PKD1L1: variants seen among roughly 807,000 people sequenced by gnomAD.
PKD1L1 encodes the protein polycystin-1-like protein 1.
A neutral mutation model predicts 323.4 loss-of-function variants in PKD1L1; 236 were observed. The ratio of observed to expected loss-of-function variants is 0.73; its 90% CI spans 0.66 to 0.81. PKD1L1 has a LOEUF of 0.81. Among genes scored for constraint, PKD1L1 ranks in the 40% least tolerant of loss-of-function variants. The probability of loss-of-function intolerance (pLI) is 0.00; values close to 1 mark genes in which losing one functional copy is unlikely to be tolerated. For synonymous variants in PKD1L1, 1,344 were observed against 1,335.0 expected (o/e 1.01, Z -0.15); for missense variants, 3,320 against 3,508.0 (o/e 0.95, Z 1.35).
chr7:47,880,796 T>G lies in PKD1L1; in HGVS notation c.3452A>C (p.Glu1151Ala). The G allele has an allele frequency of 6.2e-7, 1 of 1,604,300 alleles. No individual in the cohort carries two copies. Among genetic ancestry groups the G allele is most frequent in the Non-Finnish European group, 8.5e-7 (1 of 1,174,168 alleles). Residue 1151 changes from glutamate (E) to alanine (A), a missense_variant, in exon 21 of 57, where the codon GAA (glutamate) becomes GCA (alanine). By Grantham distance (107) the Glu-to-Ala change is moderately radical (BLOSUM62 -1). Transcript: ENST00000289672. ...GTATGGCTTGATTGTCACTGTCTGT[T>G]CTGTAATACCTGCAGAAAAGACATG... Reference protein sequence around the residue: ...FQGYSSSGITEQTVTIKPYSL... With the variant: ...FQGYSSSGITAQTVTIKPYSL...
At chr7:47,944,543 C>T (rs1249775417) in intron 1 of PKD1L1, among the ~76,000 whole-genome samples, 2 of 152,336 alleles carry the variant, frequency 1.3e-5, no homozygotes, top group African/African-American at 2.4e-5. Flanking sequence ...GCAGAGCCAA[C>T]GTTTAAACCT....
chr7:47,951,490 T>A (rs925220348), upstream of PKD1L1, among the ~76,000 whole-genome samples: 8 of 152,204 alleles, frequency 5.3e-5, no homozygotes, highest in African/African-American at 1.9e-4. Flanking sequence ...TTAAGGTGTT[T>A]AGTATGCACA....
At position 47,853,141 on chromosome 7, in the gene PKD1L1, G is replaced by A. The variant is rs1385810027; in HGVS notation, c.4946C>T (p.Ala1649Val). ...TGTTCACTGACCTTTCTGAGAAGCA[G>A]CAGGTATATAAATCTGCACAATTGA... is the stretch of plus-strand genomic sequence containing the variant. ...DESIVQIYIP[A>V]ASQKDASVGY... is the part of the protein sequence containing the mutation. The change falls in exon 31 of 57, where the codon GCT becomes GTT. Residue 1649 changes from alanine to valine, a missense_variant. Coordinates refer to ENST00000289672, the MANE Select transcript of PKD1L1 (RefSeq NM_138295.5). The A allele has an allele frequency of 6.2e-7, 1 of 1,611,430 alleles. No individual in the cohort carries two copies. The highest frequency in any genetic ancestry group is 1.3e-5 in the African/African-American group (1 of 74,948).
In PKD1L1 at chr7:47,800,589, C is replaced by T. The variant is rs1398809949; in HGVS notation, c.8193+60G>A. The T allele has an allele frequency of 9.7e-6, 15 of 1,544,554 alleles. No homozygotes were observed. The African/African-American group carries it at 1.2e-4, about 13-fold the overall frequency. ...TGTCCACATGGACCAGAGTTTCACCCCAACAGCAAATGAAACTTTTACAAA... is the reference window on the plus strand; with the variant it reads ...TGTCCACATGGACCAGAGTTTCACCTCAACAGCAAATGAAACTTTTACAAA... On this transcript the variant is annotated intron_variant, in intron 54 of 56. Coordinates refer to ENST00000289672, the MANE Select transcript of PKD1L1 (RefSeq NM_138295.5).
chr7:47,913,226 C>A (rs570623145), intron 8 of PKD1L1, among the ~76,000 whole-genome samples: 1 of 152,050 alleles, frequency 6.6e-6, no homozygotes, highest in Non-Finnish European at 1.5e-5. Context: ...TTAGAGGAAG[C>A]TTATTGCATG....
At chr7:47,923,335 T>TA (rs371527820) in intron 7 of PKD1L1, among the ~76,000 whole-genome samples, 80,335 of 123,366 alleles carry the variant, frequency 0.65, 25,670 homozygotes, top group East Asian at 0.74. Context: ...CAATAAATAC[T>TA]AAAAAAAAAA....
Position 47,829,599 on chromosome 7 carries a change from T to C in PKD1L1, c.6561A>G (p.Val2187=), listed in dbSNP as rs1785302803. Residue 2187 remains valine (V), a splice_region_variant and synonymous_variant, in exon 44 of 57, where the codon GTA becomes GTG. Transcript: ENST00000289672. ...AAGCAAAACCCAAGGCCATGAGGCA[T>C]ACCTGGAAGGAAAAACATGACAGCG... The part of the protein sequence containing the change: ...CCIFITQPLM[V]CLMALGFAWK... 9 of 1,605,604 alleles carry C rather than the reference T, an allele frequency of 5.6e-6. No homozygotes were observed. Among genetic ancestry groups the C allele is most frequent in the Non-Finnish European group, 7.6e-6 (9 of 1,176,676 alleles).
intron 50 of PKD1L1, among the ~76,000 whole-genome samples, chr7:47,811,489 T>C (rs1191307849): frequency 2.0e-5 from 3 of 152,218 alleles, no homozygotes; most frequent in African/African-American, 7.2e-5. Context: ...CAGTGTAGGC[T>C]ATTCTGTTAC....
At chr7:47,831,441 A>G in intron 41 of PKD1L1, 89 bp from the exon 42 acceptor site, 1 of 1,497,940 alleles carries the variant, frequency 6.7e-7, no homozygotes, top group Non-Finnish European at 9.0e-7. Context: ...TTAGGTGTCA[A>G]CTAGGCTGGG....
intron 31 of PKD1L1, among the ~76,000 whole-genome samples, chr7:47,851,729 C>T (rs575761618): frequency 7.2e-5 from 11 of 152,040 alleles, no homozygotes; most frequent in South Asian, 2.1e-4. Flanking sequence ...GAATATGCTG[C>T]CAATCATCTG....
chr7:47,862,528 C>T (rs1371453847), intron 26 of PKD1L1, among the ~76,000 whole-genome samples: 2 of 152,166 alleles, frequency 1.3e-5, no homozygotes, highest in Non-Finnish European at 2.9e-5. Context: ...ATGGAGTCGA[C>T]ATTCCAGTGG....
chr7:47,835,880 TG>T (rs1785446561), intron 37 of PKD1L1, among the ~76,000 whole-genome samples: 1 of 152,152 alleles, frequency 6.6e-6, no homozygotes, highest in South Asian at 2.1e-4. Context: ...CGTTTTGGAT[TG>T]AACAAATGCT....
intron 50 of PKD1L1, among the ~76,000 whole-genome samples, chr7:47,811,154 CTTTTTTTTT>C: frequency 8.2e-6 from 1 of 121,236 alleles, no homozygotes; most frequent in Admixed American, 7.9e-5. Context: ...ATGTCTCCTT[CTTTTTTTTT>C]TTTTTTTTTA....
intron 45 of PKD1L1, among the ~76,000 whole-genome samples, chr7:47,823,020 T>C (rs567308231): frequency 6.6e-6 from 1 of 152,248 alleles, no homozygotes; most frequent in East Asian, 1.9e-4. Flanking sequence ...CATTAGATGG[T>C]TTTATTTCTT....
At chr7:47,863,011 C>T (rs927620972) in intron 26 of PKD1L1, among the ~76,000 whole-genome samples, 1 of 152,114 alleles carries the variant, frequency 6.6e-6, no homozygotes, top group African/African-American at 2.4e-5. Context: ...AGAGAAACTG[C>T]CAACCTGGAT....
intron 54 of PKD1L1, among the ~76,000 whole-genome samples, chr7:47,796,522 G>A (rs1269387990): frequency 3.3e-5 from 5 of 152,162 alleles, no homozygotes; most frequent in African/African-American, 1.2e-4. Context: ...AGAGGCCTGT[G>A]CCTGTGCCTG....
At chr7:47,922,772 G>A (rs35051223) in intron 7 of PKD1L1, among the ~76,000 whole-genome samples, 68,650 of 151,170 alleles carry the variant, frequency 0.45, 16,263 homozygotes, top group Admixed American at 0.52. Context: ...CCCCCACCCC[G>A]GCCAGCCGCC....
chr7:47,864,805 G>A (rs888189939), intron 26 of PKD1L1, among the ~76,000 whole-genome samples: 7 of 150,256 alleles, frequency 4.7e-5, no homozygotes, highest in South Asian at 2.1e-4. Context: ...TGCAACCTCC[G>A]CCTCCTGGCT....
rs1320087353 is a variant in PKD1L1, at chr7:47,839,740, C to G, written c.5553-78G>C. ...GCATCCCATCAGCCCCAATGCTCAC[C>G]CTCAAGGCACTGATGGCCCACAGAG... On this transcript the variant is annotated intron_variant, in intron 35 of 56. Transcript: ENST00000289672. This position sits in a 1 kb window ranked among gnomAD's most constrained non-coding sequence, Gnocchi z 4.3. 1 of 1,356,208 alleles carries G rather than the reference C, an allele frequency of 7.4e-7. No individual in the cohort carries two copies. The highest frequency in any genetic ancestry group is 1.0e-6 in the Non-Finnish European group (1 of 983,864). 84.0% of individuals were successfully genotyped at this position (1,356,208 alleles called of 1,614,324 possible).
Sources: gnomAD v4.1 joint callset for allele counts (sites outside exome capture counted in the v4.1 genomes callset) on GRCh38, gnomAD v4.1.1 for gene constraint, Gnocchi (gnomAD v3.1) non-coding constraint, MANE v1.5 for transcripts, NCBI Gene and HGNC (gene_info 2026-07-23, HGNC 2026-07-21) for gene names.